TSPAN11: variants seen among roughly 807,000 people sequenced by gnomAD.
TSPAN11 encodes the protein tetraspanin 11.
In TSPAN11, 29 loss-of-function variants were observed where a neutral mutation model predicts 32.9. The observed-to-expected ratio is 0.88, with a 90% confidence interval of 0.66 to 1.20. TSPAN11 has a LOEUF of 1.20. Ranked by LOEUF, TSPAN11 falls within the 50% of genes most tolerant of loss-of-function variation. The pLI is 0.00. For missense variants in TSPAN11, 283 were observed against 329.1 expected, an observed-to-expected ratio of 0.86 and a Z score of 1.08; for synonymous variants, 140 against 141.3, an observed-to-expected ratio of 0.99 and a Z score of 0.07.
intron 1 of TSPAN11, among the ~76,000 whole-genome samples, chr12:30,937,248 A>G (rs1408370997): frequency 2.6e-5 from 4 of 152,190 alleles, no homozygotes; most frequent in African/African-American, 9.7e-5. Flanking sequence ...TCAGAGGAAG[A>G]AAGATCTGGC....
chr12:30,986,494 T>C (rs1037385538), intron 7 of TSPAN11, among the ~76,000 whole-genome samples: 10 of 152,214 alleles, frequency 6.6e-5, no homozygotes, highest in Admixed American at 3.3e-4. Context: ...CATGACGGCC[T>C]CCCCTCACTG....
rs896557895 is a variant in TSPAN11, at chr12:30,990,986, G to A, written c.703-870G>A. On this transcript the variant is annotated intron_variant, in intron 7 of 7. Coordinates refer to ENST00000546076, the MANE Select transcript of TSPAN11 (RefSeq NM_001370302.1). The stretch of plus-strand genomic sequence containing the variant: ...CCTTGGGTGGGAGGGAGGAGAGGAA[G>A]AGGAGGAAGAAGGCAGAGGAGGGCC... Among the ~76,000 whole-genome samples the A allele has an allele frequency of 1.5e-4, 23 of 152,204 alleles. 1 individual carries two copies. Among genetic ancestry groups the A allele is most frequent in the Non-Finnish European group, 1.5e-5 (1 of 68,026 alleles).
intron 2 of TSPAN11, among the ~76,000 whole-genome samples, chr12:30,960,566 G>A (rs1046405375): frequency 6.6e-5 from 10 of 151,924 alleles, no homozygotes; most frequent in Admixed American, 6.6e-4. Flanking sequence ...TCAGGCATGT[G>A]CAGCCACTCA....
rs555547231 is a variant in TSPAN11 at position 30,962,777 on chromosome 12, G to A, written c.85-1049G>A. Among the ~76,000 whole-genome samples the A allele has an allele frequency of 1.9e-3, 292 of 152,310 alleles. 1 individual carries two copies. The highest frequency in any genetic ancestry group is 5.6e-3 in the African/African-American group (233 of 41,574). ...ACCCATCCTTAAATGGGGGCAGGGAGACTAGCGGGCAGAAGTCCACATTCC... is the reference window on the plus strand; with the variant it reads ...ACCCATCCTTAAATGGGGGCAGGGAAACTAGCGGGCAGAAGTCCACATTCC... On this transcript the variant is annotated intron_variant, in intron 2 of 7. Coordinates refer to ENST00000546076, the MANE Select transcript of TSPAN11 (RefSeq NM_001370302.1).
chr12:30,938,682 T>G (rs1938095051), intron 1 of TSPAN11, among the ~76,000 whole-genome samples: 2 of 152,140 alleles, frequency 1.3e-5, no homozygotes, highest in Non-Finnish European at 2.9e-5. Flanking sequence ...TGCTGCTCTT[T>G]GCCTTACAGA....
At chr12:30,991,116 A>T (rs1939304204) in intron 7 of TSPAN11, among the ~76,000 whole-genome samples, 1 of 152,146 alleles carries the variant, frequency 6.6e-6, no homozygotes, top group Admixed American at 6.6e-5. Flanking sequence ...TCTGCTTTGG[A>T]CCAGATGCTC....
intron 1 of TSPAN11, among the ~76,000 whole-genome samples, chr12:30,949,593 T>C (rs1356628049): frequency 2.0e-5 from 3 of 151,998 alleles, no homozygotes; most frequent in Admixed American, 6.6e-5. Context: ...TTCAATTACC[T>C]CCCCCTGGGT....
At chr12:30,980,560 A>G (rs1216124115) in intron 5 of TSPAN11, among the ~76,000 whole-genome samples, 1 of 98,892 alleles carries the variant, frequency 1.0e-5, no homozygotes, top group Non-Finnish European at 2.2e-5. Flanking sequence ...CCCCACCCCC[A>G]CCCCCTGGAC....
At position 30,975,835 on chromosome 12, in the gene TSPAN11, G is replaced by A. The variant is rs1565800856; in HGVS notation, c.277-2726G>A. 6.6e-6 allele frequency among the ~76,000 whole-genome samples: 1 copy of A among 152,178 alleles called. No individual in the cohort carries two copies. Among genetic ancestry groups the A allele is most frequent in the Non-Finnish European group, 1.5e-5 (1 of 68,028 alleles). On this transcript the variant is annotated intron_variant, in intron 3 of 7. Coordinates refer to ENST00000546076, the MANE Select transcript of TSPAN11 (RefSeq NM_001370302.1). The surrounding 1 kb of genome is among the most constrained non-coding windows in gnomAD (Gnocchi z 4.5). ...AGCTGCCAGCAGCCTGGGTGCTCCTGTCAGGGGCACTCCATCACCTCTTCC... is the reference window on the plus strand; with the variant it reads ...AGCTGCCAGCAGCCTGGGTGCTCCTATCAGGGGCACTCCATCACCTCTTCC...
intron 3 of TSPAN11, among the ~76,000 whole-genome samples, chr12:30,970,186 C>T (rs1327765004): frequency 1.3e-5 from 2 of 152,230 alleles, no homozygotes; most frequent in Non-Finnish European, 2.9e-5. Flanking sequence ...ATCCGCTGAA[C>T]ACCATCATCC....
In TSPAN11 at chr12:30,935,423, G is replaced by A. The variant is rs374447555; in HGVS notation, c.-12+8627G>A. Among the ~76,000 whole-genome samples the A allele has an allele frequency of 2.0e-4, 25 of 127,548 alleles. No individual in the cohort carries two copies. In the South Asian group the frequency reaches 4.4e-3, roughly 23 times the overall value. The allele number at this position is 127,548 out of a possible 152,430, so 83.7% of individuals were successfully genotyped here. On this transcript the variant is annotated intron_variant, in intron 1 of 7. Transcript: ENST00000546076. ...TTGGAGATGGAGTTTCACTCTTGTC[G>A]CCCAGGCTGGAGTGCAATGGCGTGA...
the TSPAN11 span, among the ~76,000 whole-genome samples, chr12:31,003,839 G>C: frequency 6.6e-6 from 1 of 152,154 alleles, no homozygotes; most frequent in Non-Finnish European, 1.5e-5. Context: ...CTGTCTCAGA[G>C]AAGCTGTCTT....
At chr12:30,945,648 G>A (rs541469520) in intron 1 of TSPAN11, among the ~76,000 whole-genome samples, 1 of 152,044 alleles carries the variant, frequency 6.6e-6, no homozygotes, top group South Asian at 2.1e-4. Flanking sequence ...CATGTCCCTT[G>A]TCTTCTCGGT....
At chr12:30,977,976 C>T (rs1939009852) in intron 3 of TSPAN11, among the ~76,000 whole-genome samples, 1 of 152,146 alleles carries the variant, frequency 6.6e-6, no homozygotes, top group African/African-American at 2.4e-5. Flanking sequence ...CACGCTGGTC[C>T]CTGCATTCCA....
In TSPAN11 at chr12:30,937,432, G is replaced by T. The variant is rs536531011; in HGVS notation, c.-12+10636G>T. Among the ~76,000 whole-genome samples the T allele has an allele frequency of 1.6e-3, 242 of 152,162 alleles. 1 individual carries two copies. Among genetic ancestry groups the T allele is most frequent in the Non-Finnish European group, 2.4e-3 (166 of 68,004 alleles). Reference sequence around the variant, plus strand: ...GAAGTGGAGCTAAAGCGTACTTTTGGGGGGGCGGCAGGGGGCAGTGGGGCA... The same window carrying T: ...GAAGTGGAGCTAAAGCGTACTTTTGTGGGGGCGGCAGGGGGCAGTGGGGCA... On this transcript the variant is annotated intron_variant, in intron 1 of 7. Coordinates refer to ENST00000546076, the MANE Select transcript of TSPAN11 (RefSeq NM_001370302.1).
intron 2 of TSPAN11, 22 bp downstream of exon 2, chr12:30,954,097 A>G (rs1253369545): frequency 1.2e-5 from 18 of 1,564,572 alleles, no homozygotes; most frequent in Non-Finnish European, 1.5e-5. Context: ...CTGCACACAC[A>G]TCCTCTTCCC....
chr12:31,000,003 G>A (rs1033323534), downstream of TSPAN11, among the ~76,000 whole-genome samples: 4 of 150,880 alleles, frequency 2.7e-5, no homozygotes, highest in Non-Finnish European at 5.9e-5. Context: ...TGTGCCCTGT[G>A]GAGTGTTGTT....
rs1243440408 is a variant in TSPAN11 at position 30,979,688 on chromosome 12, T to C, written c.456+18T>C. 5 of 1,613,538 alleles carry C rather than the reference T, an allele frequency of 3.1e-6. No individual in the cohort carries two copies. The highest frequency in any genetic ancestry group is 1.1e-5 in the South Asian group (1 of 91,060). ...AGCAGGATGTAAGCCATGCCCCATA[T>C]GGCCTTGAAGGCCAAGCCCACAAGG... On this transcript the variant is annotated intron_variant, in intron 5 of 7. Coordinates refer to ENST00000546076, the MANE Select transcript of TSPAN11 (RefSeq NM_001370302.1).
At chr12:31,008,887 GAGA>G in the TSPAN11 span, among the ~76,000 whole-genome samples, 2 of 152,206 alleles carry the variant, frequency 1.3e-5, no homozygotes, top group African/African-American at 2.4e-5. Flanking sequence ...AGGCTTCTAA[GAGA>G]AGGAGAGACT....
Sources: gnomAD v4.1 joint callset for allele counts (sites outside exome capture counted in the v4.1 genomes callset) on GRCh38, gnomAD v4.1.1 for gene constraint, Gnocchi (gnomAD v3.1) non-coding constraint, MANE v1.5 for transcripts, NCBI Gene and HGNC (gene_info 2026-07-23, HGNC 2026-07-21) for gene names.